The following PATJ variants were observed in gnomAD, a reference collection of about 807,000 sequenced individuals.
PATJ encodes inaD-like protein.
Under a neutral mutation model 224.9 loss-of-function variants are expected in PATJ, and 190 were observed. The ratio of observed to expected loss-of-function variants is 0.84; its 90% CI spans 0.75 to 0.95. The LOEUF (loss-of-function observed/expected upper bound fraction) is 0.95. Among genes scored for constraint, PATJ ranks in the 40% least tolerant of loss-of-function variants. The probability of loss-of-function intolerance (pLI) is 0.00; values close to 1 mark genes in which losing one functional copy is unlikely to be tolerated. For synonymous variants in PATJ, 769 were observed against 820.3 expected (o/e 0.94, Z 1.07); for missense variants, 2,121 against 2,270.3 (o/e 0.93, Z 1.34).
chr1:62,111,663 CTTT>C (rs35549430), intron 34 of PATJ, among the ~76,000 whole-genome samples: 6 of 142,316 alleles, frequency 4.2e-5, no homozygotes, highest in Admixed American at 1.4e-4. Flanking sequence ...AACCCATGTT[CTTT>C]TTTTTTTTTT....
intron 7 of PATJ, among the ~76,000 whole-genome samples, chr1:61,783,071 G>A (rs1647678844): frequency 6.6e-6 from 1 of 152,168 alleles, no homozygotes; most frequent in African/African-American, 2.4e-5. Context: ...GGGTGGATGT[G>A]AACTTTGAGA....
chr1:61,989,492 T>C (rs553303683), intron 27 of PATJ, among the ~76,000 whole-genome samples: 4 of 152,332 alleles, frequency 2.6e-5, no homozygotes, highest in Admixed American at 2.0e-4. Context: ...TATTAATATA[T>C]ATTAATGTAA....
At chr1:61,861,299 T>TTTTTTTTTTTTTTTTTTTTTTTTTTA in intron 18 of PATJ, among the ~76,000 whole-genome samples, 1 of 143,308 alleles carries the variant, frequency 7.0e-6, no homozygotes, top group Non-Finnish European at 1.5e-5. Flanking sequence ...TTTTTTTTTT[T>TTTTTTTTTTTTTTTTTTTTTTTTTTA]TTTTTTTTAC....
intron 27 of PATJ, among the ~76,000 whole-genome samples, chr1:61,974,866 T>C (rs1644042089): frequency 6.6e-6 from 1 of 152,104 alleles, no homozygotes; most frequent in Non-Finnish European, 1.5e-5. Flanking sequence ...GTAGTGTCCT[T>C]GATTGTGAAG....
chr1:61,777,544 T>A (rs1173112818), intron 7 of PATJ, among the ~76,000 whole-genome samples: 4 of 151,736 alleles, frequency 2.6e-5, no homozygotes, highest in Non-Finnish European at 4.4e-5. Flanking sequence ...AGAAAAAAAA[T>A]AAAAACAAAA....
At chr1:62,058,045 G>A (rs1018801428) in intron 31 of PATJ, among the ~76,000 whole-genome samples, 1 of 152,166 alleles carries the variant, frequency 6.6e-6, no homozygotes, top group Non-Finnish European at 1.5e-5. Context: ...ATTTCCAGTG[G>A]TATTTGTCTT....
At chr1:61,864,881 CTT>C (rs1253803342) in intron 20 of PATJ, among the ~76,000 whole-genome samples, 1 of 151,682 alleles carries the variant, frequency 6.6e-6, no homozygotes, top group Non-Finnish European at 1.5e-5. Context: ...TTTTGCTTTG[CTT>C]TTTTAGTGAT....
intron 20 of PATJ, among the ~76,000 whole-genome samples, chr1:61,867,883 A>T (rs986222644): frequency 6.6e-6 from 1 of 152,208 alleles, no homozygotes; most frequent in African/African-American, 2.4e-5. Flanking sequence ...AGAAGATTTT[A>T]AAAACACATT....
At chr1:62,044,523 G>T (rs1652153240) in intron 30 of PATJ, among the ~76,000 whole-genome samples, 1 of 152,154 alleles carries the variant, frequency 6.6e-6, no homozygotes, top group Admixed American at 6.5e-5. Flanking sequence ...GGTACTGAGG[G>T]CTCAAATAAC....
chr1:62,039,160 C>G, intron 30 of PATJ: 1 of 588,896 alleles, frequency 1.7e-6, no homozygotes, highest in Non-Finnish European at 3.2e-6. Context: ...TCCATCCTAC[C>G]TTTGTTAATT....
intron 41 of PATJ, among the ~76,000 whole-genome samples, chr1:62,146,510 T>G (rs559955206): frequency 6.6e-6 from 1 of 152,232 alleles, no homozygotes; most frequent in African/African-American, 2.4e-5. Context: ...CTGCAGTGGC[T>G]CACGCCTGTA....
intron 28 of PATJ, among the ~76,000 whole-genome samples, chr1:61,990,681 T>G (rs1645011417): frequency 1.3e-5 from 2 of 152,330 alleles, no homozygotes; most frequent in South Asian, 4.1e-4. Context: ...ATTTTGATAG[T>G]ATTTATCAAA....
At chr1:61,820,411 C>G (rs899114535) in intron 14 of PATJ, among the ~76,000 whole-genome samples, 3 of 152,084 alleles carry the variant, frequency 2.0e-5, no homozygotes, top group Admixed American at 1.3e-4. Context: ...GGCTCAGTCT[C>G]AGCTCACTGC....
At chr1:61,939,045 C>T (rs1360474458) in intron 27 of PATJ, among the ~76,000 whole-genome samples, 1 of 143,336 alleles carries the variant, frequency 7.0e-6, no homozygotes, top group Non-Finnish European at 1.5e-5. Context: ...ATCGCTTGAA[C>T]CCAGGAGGCG....
chr1:61,768,471 A>AT lies in PATJ; in HGVS notation c.385-812_385-811insT, dbSNP rs1388034652. Among the ~76,000 whole-genome samples, 301 of 151,490 alleles carry AT rather than the reference A, an allele frequency of 2.0e-3. 1 individual carries two copies. Among genetic ancestry groups the AT allele is most frequent in the African/African-American group, 6.4e-3 (263 of 41,270 alleles). ...GGCGACAGAGTGAGACTCCGTCTCA[A>AT]AAAATAAATAAATAAATAAATAAAT... On this transcript the variant is annotated intron_variant, in intron 4 of 43. Transcript: ENST00000642238.
At chr1:62,048,545 C>CAAAAAAAAAAAAAAAAAAAAAAAAA (rs773157635) in intron 30 of PATJ, among the ~76,000 whole-genome samples, 1 of 66,164 alleles carries the variant, frequency 1.5e-5, no homozygotes, top group Non-Finnish European at 3.2e-5. Flanking sequence ...GACTCTGTCT[C>CAAAAAAAAAAAAAAAAAAAAAAAAA]AAAAAAAAAA....
chr1:61,791,388 GAA>G lies in PATJ; in HGVS notation c.1112_1113del (p.Lys371ArgfsTer8), dbSNP rs1649830470. 1 of 1,612,488 alleles carries G rather than the reference GAA, an allele frequency of 6.2e-7. No homozygotes were observed. The highest frequency in any genetic ancestry group is 2.2e-5 in the East Asian group (1 of 44,800). ...GAAACTTATAATGTTGAGCTTGTGAGAAAAGATGGGCAGAGTCTTGGAATTAG... is the reference window on the plus strand; with the variant it reads ...GAAACTTATAATGTTGAGCTTGTGAGAAGATGGGCAGAGTCTTGGAATTAG... On this transcript the variant is annotated frameshift_variant, in exon 9 of 44. Transcript: ENST00000642238. LOFTEE classifies it high-confidence loss of function.
intron 22 of PATJ, among the ~76,000 whole-genome samples, chr1:61,897,672 T>A (rs1234450892): frequency 6.6e-6 from 1 of 152,216 alleles, no homozygotes; most frequent in Non-Finnish European, 1.5e-5. Flanking sequence ...TAGGGACTTT[T>A]GGTTCCATAT....
intron 23 of PATJ, among the ~76,000 whole-genome samples, chr1:61,900,554 C>T (rs1392459365): frequency 6.6e-6 from 1 of 151,276 alleles, no homozygotes; most frequent in Admixed American, 6.6e-5. Context: ...AAAGTCTGTA[C>T]TTTTTGCCGA....
Sources: allele counts gnomAD v4.1 joint callset (sites outside exome capture counted in the v4.1 genomes callset), GRCh38; gene constraint gnomAD v4.1.1; transcripts MANE v1.5; gene names NCBI Gene and HGNC (gene_info 2026-07-23, HGNC 2026-07-21).